Variants in IGSF11 observed in about 807,000 individuals in gnomAD.
The protein encoded by IGSF11 is immunoglobulin superfamily member 11, also known as CXADR like 1.
Under a neutral mutation model 41.0 loss-of-function variants are expected in IGSF11, and 22 were observed. The ratio of observed to expected loss-of-function variants is 0.54; its 90% CI spans 0.38 to 0.77. The LOEUF (loss-of-function observed/expected upper bound fraction) is 0.77, where lower values mean the gene tolerates loss of function less well. Among genes scored for constraint, IGSF11 ranks in the 30% least tolerant of loss-of-function variants. IGSF11 has a pLI of 0.00. For missense variants in IGSF11, 444 were observed against 530.8 expected, an observed-to-expected ratio of 0.84 and a Z score of 1.61; for synonymous variants, 219 against 201.3, an observed-to-expected ratio of 1.09 and a Z score of -0.74.
chr3:119,032,628 G>C (rs543672956), intron 1 of IGSF11, among the ~76,000 whole-genome samples: 2 of 152,172 alleles, frequency 1.3e-5, no homozygotes, highest in African/African-American at 4.8e-5. Context: ...CCTTCCTTCA[G>C]GCTGTTCCTT....
chr3:119,122,596 C>T (rs2077348670), intron 1 of IGSF11, among the ~76,000 whole-genome samples: 1 of 152,234 alleles, frequency 6.6e-6, no homozygotes, highest in African/African-American at 2.4e-5. Flanking sequence ...TACCGCCCCT[C>T]ACCCAACTGC....
At position 119,016,560 on chromosome 3, in the gene IGSF11, C is replaced by G. The variant is rs552876694; in HGVS notation, c.52+17971G>C. Among the ~76,000 whole-genome samples, 3 of 152,120 alleles carry G rather than the reference C, an allele frequency of 2.0e-5. No homozygotes were observed. In the South Asian group the frequency reaches 6.2e-4, roughly 32 times the overall value. On this transcript the variant is annotated intron_variant, in intron 1 of 6. Coordinates refer to ENST00000393775, the MANE Select transcript of IGSF11 (RefSeq NM_001015887.3). ...TAGTTCAATGTGTACAGATTATATG[C>G]ATAACAGAGCTTCAAATGAGTTACC...
intron 4 of IGSF11, among the ~76,000 whole-genome samples, chr3:118,908,727 A>G (rs999649143): frequency 1.3e-5 from 2 of 152,248 alleles, no homozygotes; most frequent in African/African-American, 2.4e-5. Flanking sequence ...TATCTGGCAC[A>G]GAAGGCCCTT....
chr3:118,983,619 A>G (rs1402555960), intron 1 of IGSF11, among the ~76,000 whole-genome samples: 2 of 152,194 alleles, frequency 1.3e-5, no homozygotes, highest in East Asian at 1.9e-4. Flanking sequence ...AAACACTTCA[A>G]ATGAGGTGGG....
rs565637861 is a variant in IGSF11 at position 118,959,918 on chromosome 3, G to A, written c.53-29643C>T. ...AAATTAGCTGGGCGTGGTGGCGGGCGCCTGTAGCCCCAGCTACTCGGGAGG... is the reference window on the plus strand; with the variant it reads ...AAATTAGCTGGGCGTGGTGGCGGGCACCTGTAGCCCCAGCTACTCGGGAGG... On this transcript the variant is annotated intron_variant, in intron 1 of 6. Transcript: ENST00000393775. Among the ~76,000 whole-genome samples, 84 of 152,146 alleles carry A rather than the reference G, an allele frequency of 5.5e-4. 1 individual carries two copies. In the South Asian group the frequency reaches 0.016, roughly 29 times the overall value.
In IGSF11 at chr3:119,060,566, C is replaced by T. The variant is rs116131350; in HGVS notation, c.49+44578G>A. Among the ~76,000 whole-genome samples, 548 of 152,290 alleles carry T rather than the reference C, an allele frequency of 3.6e-3. 3 individuals are homozygous for T. The highest frequency in any genetic ancestry group is 0.012 in the African/African-American group (502 of 41,548). On this transcript the variant is annotated intron_variant, in intron 1 of 6. Coordinates refer to the IGSF11 transcript ENST00000354673. ...AACACAATCATCTTATTTAAATCCT[C>T]ACAACAATGCTGTGATACAAGTAAT...
At chr3:119,056,210 T>C (rs1206732531) in intron 1 of IGSF11, among the ~76,000 whole-genome samples, 2 of 151,868 alleles carry the variant, frequency 1.3e-5, no homozygotes. Context: ...ATCAACAAAA[T>C]TGATAGACTG....
At position 119,111,978 on chromosome 3, in the gene IGSF11, G is replaced by A. The variant is rs917931168; in HGVS notation, c.-13-6773C>T. ...TTTTGTCTCAGAGGAGTACCCAGCT[G>A]TGTGAGGTGTCAGTCTGCCCCCACT... On this transcript the variant is annotated intron_variant, in intron 1 of 7. Transcript: ENST00000425327. Among the ~76,000 whole-genome samples the A allele has an allele frequency of 6.6e-5, 10 of 152,188 alleles. No homozygotes were observed. In the East Asian group the frequency reaches 1.9e-3, roughly 29 times the overall value.
chr3:119,016,632 A>G (rs866222453), intron 1 of IGSF11, among the ~76,000 whole-genome samples: 3 of 152,228 alleles, frequency 2.0e-5, no homozygotes, highest in Admixed American at 6.5e-5. Context: ...AAGAAAAGAC[A>G]TATCATTAGG....
At chr3:118,909,298 T>C (rs953274667) in intron 4 of IGSF11, among the ~76,000 whole-genome samples, 1 of 152,104 alleles carries the variant, frequency 6.6e-6, no homozygotes, top group African/African-American at 2.4e-5. Flanking sequence ...TCAGAAGTAT[T>C]CTGTAGGCTA....
intron 1 of IGSF11, among the ~76,000 whole-genome samples, chr3:119,102,997 A>ATTTTT (rs142951970): frequency 2.4e-5 from 3 of 126,838 alleles, no homozygotes; most frequent in African/African-American, 2.9e-5. Flanking sequence ...TACTTGGCCA[A>ATTTTT]TTTTTTTTTT....
chr3:118,903,563 T>C (rs1347137966), intron 6 of IGSF11, among the ~76,000 whole-genome samples: 1 of 152,286 alleles, frequency 6.6e-6, no homozygotes, highest in East Asian at 1.9e-4. Context: ...GGGGTGCTGA[T>C]GAGAGGTTTT....
chr3:118,982,378 G>A (rs558502413), intron 1 of IGSF11, among the ~76,000 whole-genome samples: 49 of 152,168 alleles, frequency 3.2e-4, no homozygotes, highest in African/African-American at 1.1e-3. Flanking sequence ...GAACTCTTAC[G>A]TTTTCTCCTC....
intron 1 of IGSF11, among the ~76,000 whole-genome samples, chr3:119,101,283 G>T (rs569716051): frequency 1.3e-5 from 2 of 152,318 alleles, no homozygotes; most frequent in East Asian, 3.9e-4. Flanking sequence ...GCCAAGGTGG[G>T]CAGATTACCT....
In IGSF11 at chr3:118,943,300, T is replaced by C. The variant is rs563310107; in HGVS notation, c.53-13025A>G. 7.2e-5 allele frequency: 11 copies of C among 152,330 alleles called. No individual in the cohort carries two copies. The South Asian group carries it at 1.9e-3, about 26-fold the overall frequency. The allele number at this position is 152,330 out of a possible 1,614,324, so 9.4% of individuals were successfully genotyped here. On this transcript the variant is annotated intron_variant, in intron 1 of 6. Coordinates refer to ENST00000393775, the MANE Select transcript of IGSF11 (RefSeq NM_001015887.3). ...TCAACTTGACATTTTAAAAAACAGA[T>C]AGACATTTCTTACAAAACTTTGTGG...
intron 1 of IGSF11, among the ~76,000 whole-genome samples, chr3:119,073,870 G>A (rs966765539): frequency 2.0e-5 from 3 of 152,234 alleles, no homozygotes; most frequent in African/African-American, 7.2e-5. Flanking sequence ...TAGGCTGAAG[G>A]GCTCCTCAAT....
intron 1 of IGSF11, among the ~76,000 whole-genome samples, chr3:119,058,685 T>A (rs1291533076): frequency 1.3e-5 from 2 of 152,224 alleles, no homozygotes; most frequent in African/African-American, 4.8e-5. Flanking sequence ...GTATGTTTAT[T>A]GCGGCACTAT....
upstream of IGSF11, among the ~76,000 whole-genome samples, chr3:119,036,428 G>A (rs1354392566): frequency 6.6e-6 from 1 of 152,120 alleles, no homozygotes; most frequent in African/African-American, 2.4e-5. Flanking sequence ...CCAGTCCTAA[G>A]CAGGGTATAA....
At chr3:119,055,508 C>A (rs1941795689) in intron 1 of IGSF11, among the ~76,000 whole-genome samples, 1 of 151,902 alleles carries the variant, frequency 6.6e-6, no homozygotes, top group Non-Finnish European at 1.5e-5. Context: ...TAGAATCCTA[C>A]ACAGTAATAA....
Sources: gnomAD v4.1 joint callset for allele counts (sites outside exome capture counted in the v4.1 genomes callset) on GRCh38, gnomAD v4.1.1 for gene constraint, MANE v1.5 for transcripts, NCBI Gene and HGNC (gene_info 2026-07-23, HGNC 2026-07-21) for gene names.